The following POLL variants were observed in gnomAD, a reference collection of about 807,000 sequenced individuals.
POLL encodes DNA polymerase lambda, also known as DNA polymerase beta-2.
In POLL, 44 loss-of-function variants were observed where a neutral mutation model predicts 58.1. The ratio of observed to expected loss-of-function variants is 0.76; its 90% CI spans 0.60 to 0.97. POLL has a LOEUF of 0.97. POLL is among the 50% of genes least tolerant of loss of function. The pLI, the probability that POLL is intolerant of heterozygous loss-of-function variation, is 0.00. For missense variants in POLL, 632 were observed against 736.8 expected (o/e 0.86, Z 1.65); for synonymous variants, 290 against 283.2 (o/e 1.02, Z -0.24).
In POLL at chr10:101,579,082, T is replaced by A; in HGVS notation, c.*371A>T. 3.8e-6 allele frequency: 1 copy of A among 266,418 alleles called. No homozygotes were observed. The highest frequency in any genetic ancestry group is 7.2e-6 in the Non-Finnish European group (1 of 138,936). The allele number at this position is 266,418 out of a possible 1,614,324, so 16.5% of individuals were successfully genotyped here. On this transcript the variant is annotated 3_prime_UTR_variant, in exon 9 of 9. Transcript: ENST00000370162. This position sits in a 1 kb window ranked among gnomAD's most constrained non-coding sequence, Gnocchi z 4.4. ...GGCTGCTTCCCTCTCCCCTGCAGCT[T>A]CTGTCCCCACCCAGCAGCTTGGCCT...
At chr10:101,586,297 T>C in intron 2 of POLL, 141 bp from the exon 3 acceptor site, 1 of 754,098 alleles carries the variant, frequency 1.3e-6, no homozygotes, top group Non-Finnish European at 2.1e-6. Flanking sequence ...TTCCCTTCCA[T>C]CCAGACAGCT....
At chr10:101,584,069 G>T (rs1237092966) in intron 5 of POLL, among the ~76,000 whole-genome samples, 2 of 152,152 alleles carry the variant, frequency 1.3e-5, no homozygotes, top group Non-Finnish European at 2.9e-5. Flanking sequence ...TTACTAATGA[G>T]AAAACTGATG....
Position 101,580,121 on chromosome 10 carries a change from T to C in POLL, c.1363+127A>G. 1 of 863,698 alleles carries C rather than the reference T, an allele frequency of 1.2e-6. No individual in the cohort carries two copies. 53.5% of individuals were successfully genotyped at this position (863,698 alleles called of 1,614,324 possible). ...TTCCGGCCCCGATAGAGAGATGGGA[T>C]GCTGGCAAAGCACTGTTCCCCTGCT... is the stretch of plus-strand genomic sequence containing the variant. On this transcript the variant is annotated intron_variant, in intron 8 of 8. Transcript: ENST00000370162. The surrounding 1 kb of genome is among the most constrained non-coding windows in gnomAD (Gnocchi z 4.1).
chr10:101,580,481 A>C lies in POLL; in HGVS notation c.1195-65T>G. ...GGGAGCTCCTCTCCCACAGCAGTAC[A>C]AGGGCCTTCCCAGACTCGGGCCCAC... On this transcript the variant is annotated intron_variant, in intron 7 of 8. Coordinates refer to ENST00000370162, the MANE Select transcript of POLL (RefSeq NM_001174084.2). The surrounding 1 kb of genome is among the most constrained non-coding windows in gnomAD (Gnocchi z 4.1). The C allele has an allele frequency of 6.8e-7, 1 of 1,462,792 alleles. No individual in the cohort carries two copies. The highest frequency in any genetic ancestry group is 9.4e-7 in the Non-Finnish European group (1 of 1,058,932). The allele number at this position is 1,462,792 out of a possible 1,614,324, so 90.6% of individuals were successfully genotyped here.
chr10:101,587,400 A>T lies in POLL; in HGVS notation c.-40T>A. 1 of 1,594,060 alleles carries T rather than the reference A, an allele frequency of 6.3e-7. No homozygotes were observed. Among genetic ancestry groups the T allele is most frequent in the Non-Finnish European group, 8.6e-7 (1 of 1,167,260 alleles). On this transcript the variant is annotated 5_prime_UTR_variant, in exon 2 of 9. Coordinates refer to ENST00000370162, the MANE Select transcript of POLL (RefSeq NM_001174084.2). ...ATCCCGGCCTATTGGAGCGTTGGTCAGGGCTGCTGCACGTGGAAATCCAGA... is the reference window on the plus strand; with the variant it reads ...ATCCCGGCCTATTGGAGCGTTGGTCTGGGCTGCTGCACGTGGAAATCCAGA...
rs371228435 is a variant in POLL, at chr10:101,579,632, G to C, written c.1549C>G (p.Arg517Gly). ...ATGCCCTTGGTTTTGGCCAGGGCTC[G>C]CATGGAGCGGTTGAAGTGTGCAGAG... ...TGSAHFNRSM[R>G]ALAKTKGMSL... Residue 517 changes from arginine to glycine, a missense_variant, in exon 9 of 9, where the codon CGA becomes GGA. By Grantham distance (125) the Arg-to-Gly change is moderately radical. Transcript: ENST00000370162. This position sits in a 1 kb window ranked among gnomAD's most constrained non-coding sequence, Gnocchi z 4.4. The C allele has an allele frequency of 6.2e-7, 1 of 1,614,006 alleles. No individual in the cohort carries two copies. The highest frequency in any genetic ancestry group is 1.3e-5 in the African/African-American group (1 of 75,044).
chr10:101,586,298 CCAGA>C, intron 2 of POLL, 142 bp from the exon 3 acceptor site: 1 of 755,234 alleles, frequency 1.3e-6, no homozygotes, highest in Non-Finnish European at 2.1e-6. Context: ...TCCCTTCCAT[CCAGA>C]CAGCTTTCCT....
In POLL at chr10:101,587,302, G is replaced by A; in HGVS notation, c.59C>T (p.Ala20Val). The change falls in exon 2 of 9, where the codon GCA becomes GTA. Residue 20 changes from alanine (A) to valine (V), a missense_variant. Transcript: ENST00000370162. ...FPKRQKIHAD[A>V]SSKVLAKIPR... ...AATCTTTGCAAGTACTTTTGATGAT[G>A]CATCAGCATGAATTTTCTGCCGCTT... 5 of 1,614,162 alleles carry A rather than the reference G, an allele frequency of 3.1e-6. No individual in the cohort carries two copies. Among genetic ancestry groups the A allele is most frequent in the Non-Finnish European group, 4.2e-6 (5 of 1,180,012 alleles).
chr10:101,582,949 G>A (rs750687675), intron 6 of POLL, 58 bp from the exon 7 acceptor site: 2 of 1,606,886 alleles, frequency 1.2e-6, no homozygotes, highest in African/African-American at 2.7e-5. Flanking sequence ...GAAGAGGCAT[G>A]AGTGAGCACA....
rs552249639 is a variant in POLL, at chr10:101,579,148, A to C, written c.*305T>G. On this transcript the variant is annotated 3_prime_UTR_variant, in exon 9 of 9. Transcript: ENST00000370162. This position sits in a 1 kb window ranked among gnomAD's most constrained non-coding sequence, Gnocchi z 4.4. ...AGGGGGATACCTGGGGCTTCAAACC[A>C]GCCACCTGCTCCTGCTTAAAATGGG... 13 of 377,140 alleles carry C rather than the reference A, an allele frequency of 3.4e-5. No individual in the cohort carries two copies. In the East Asian group the frequency reaches 6.0e-4, roughly 18 times the overall value. The allele number at this position is 377,140 out of a possible 1,614,324, so 23.4% of individuals were successfully genotyped here. A position where few individuals can be genotyped will look rare whatever the true frequency, so the allele number is the denominator to read the frequency against.
At position 101,585,041 on chromosome 10, in the gene POLL, C is replaced by T. The variant is rs1234315428; in HGVS notation, c.574-122G>A. On this transcript the variant is annotated intron_variant, in intron 4 of 8. Transcript: ENST00000370162. Reference sequence around the variant, plus strand: ...CTTCTAGTCAGACCTAAGAATGAGGCGGGGCCTTCTGCATCAGACTTGGAT... The same window carrying T: ...CTTCTAGTCAGACCTAAGAATGAGGTGGGGCCTTCTGCATCAGACTTGGAT... 7 of 717,046 alleles carry T rather than the reference C, an allele frequency of 9.8e-6. No individual in the cohort carries two copies. In the South Asian group the frequency reaches 1.2e-4, roughly 12 times the overall value. The allele number at this position is 717,046 out of a possible 1,614,324, so 44.4% of individuals were successfully genotyped here. A position where few individuals can be genotyped will look rare whatever the true frequency, so the allele number is the denominator to read the frequency against.
chr10:101,579,936 A>G lies in POLL; in HGVS notation c.1364-119T>C, dbSNP rs2062889151. 25 of 1,108,130 alleles carry G rather than the reference A, an allele frequency of 2.3e-5. No homozygotes were observed. In the South Asian group the frequency reaches 4.0e-4, roughly 18 times the overall value. The allele number at this position is 1,108,130 out of a possible 1,614,324, so 68.6% of individuals were successfully genotyped here. ...GCCCAGGTATTAGCTGGGTGACACT[A>G]CCCTCTCTGGGCCCTTCTCCTTTTC... On this transcript the variant is annotated intron_variant, in intron 8 of 8. Coordinates refer to ENST00000370162, the MANE Select transcript of POLL (RefSeq NM_001174084.2). This position sits in a 1 kb window ranked among gnomAD's most constrained non-coding sequence, Gnocchi z 4.4.
At chr10:101,586,496 T>C (rs568658860) in intron 2 of POLL, among the ~76,000 whole-genome samples, 5 of 152,336 alleles carry the variant, frequency 3.3e-5, no homozygotes, top group African/African-American at 1.2e-4. Flanking sequence ...TTGTTTTCTT[T>C]TGTTTTGTTT....
At position 101,583,711 on chromosome 10, in the gene POLL, G is replaced by A. The variant is rs376211527; in HGVS notation, c.892-30C>T. 105 of 1,597,464 alleles carry A rather than the reference G, an allele frequency of 6.6e-5. 1 individual carries two copies. The African/African-American group carries it at 1.0e-3, about 16-fold the overall frequency. On this transcript the variant is annotated intron_variant, in intron 5 of 8. Transcript: ENST00000370162. ...AGGAGGAGGAGGCAGAGGCAAGAAAGAAGAGTGAGGAGATGGAAGAGGTAG... is the reference window on the plus strand; with the variant it reads ...AGGAGGAGGAGGCAGAGGCAAGAAAAAAGAGTGAGGAGATGGAAGAGGTAG...
At position 101,579,503 on chromosome 10, in the gene POLL, A is replaced by G. The variant is rs769482076; in HGVS notation, c.1678T>C (p.Phe560Leu). The change falls in exon 9 of 9, where the codon TTC (phenylalanine) becomes CTC (leucine). Residue 560 changes from phenylalanine (F) to leucine (L), a missense_variant. By Grantham distance (22) the Phe-to-Leu change is conservative (BLOSUM62 0). Transcript: ENST00000370162. This position sits in a 1 kb window ranked among gnomAD's most constrained non-coding sequence, Gnocchi z 4.4. ...VLPTPTEKDV[F>L]RLLGLPYREP... ...CGGTAGGGGAGGCCTAAGAGCCTGAAGACATCCTTCTCAGTGGGAGTGGGC... is the reference window on the plus strand; with the variant it reads ...CGGTAGGGGAGGCCTAAGAGCCTGAGGACATCCTTCTCAGTGGGAGTGGGC... 6.2e-7 allele frequency: 1 copy of G among 1,613,488 alleles called. No individual in the cohort carries two copies. The highest frequency in any genetic ancestry group is 8.5e-7 in the Non-Finnish European group (1 of 1,179,928).
In POLL at chr10:101,587,847, G is replaced by A; in HGVS notation, c.-72C>T. ...CTCCAACACAGACTCGCAGAGGAAG[G>A]AGGAGGACTTTCGGGGGTGAGTGGG... On this transcript the variant is annotated 5_prime_UTR_variant, in exon 1 of 9. Coordinates refer to ENST00000370162, the MANE Select transcript of POLL (RefSeq NM_001174084.2). The A allele has an allele frequency of 8.4e-7, 1 of 1,190,652 alleles. No homozygotes were observed. The highest frequency in any genetic ancestry group is 1.1e-6 in the Non-Finnish European group (1 of 942,432). The allele number at this position is 1,190,652 out of a possible 1,614,324, so 73.8% of individuals were successfully genotyped here. A position where few individuals can be genotyped will look rare whatever the true frequency, so the allele number is the denominator to read the frequency against.
intron 2 of POLL, 120 bp downstream of exon 2, chr10:101,587,126 A>T (rs2063408966): frequency 1.2e-6 from 2 of 1,605,220 alleles, no homozygotes; most frequent in Non-Finnish European, 1.7e-6. Context: ...ACAGACCTGC[A>T]GGCCCTGGAC....
rs1265310520 is a variant in POLL, at chr10:101,588,236, A to G, written c.-461T>C. The stretch of plus-strand genomic sequence containing the variant: ...GCCAATGAGAGCGGACGAAGGGGGG[A>G]AGGAGGGCAAATGGCCAGAATAGCT... On this transcript the variant is annotated 5_prime_UTR_variant, in exon 1 of 9. Coordinates refer to ENST00000370162, the MANE Select transcript of POLL (RefSeq NM_001174084.2). 3.2e-6 allele frequency: 5 copies of G among 1,550,092 alleles called. No individual in the cohort carries two copies. Among genetic ancestry groups the G allele is most frequent in the African/African-American group, 1.4e-5 (1 of 73,276 alleles).
In POLL at chr10:101,579,824, C is replaced by A; in HGVS notation, c.1364-7G>T. ...AAGTCATCTGTGAGGAACCCTGGCC[C>A]AACAGAGGGGACTGCTGGGAGGGCA... is the stretch of plus-strand genomic sequence containing the variant. On this transcript the variant is annotated splice_region_variant and splice_polypyrimidine_tract_variant and intron_variant, in intron 8 of 8. Transcript: ENST00000370162. The surrounding 1 kb of genome is among the most constrained non-coding windows in gnomAD (Gnocchi z 4.4). The A allele has an allele frequency of 6.2e-7, 1 of 1,608,818 alleles. No individual in the cohort carries two copies. The highest frequency in any genetic ancestry group is 8.5e-7 in the Non-Finnish European group (1 of 1,177,214).
Sources: allele counts gnomAD v4.1 joint callset (sites outside exome capture counted in the v4.1 genomes callset), GRCh38; gene constraint gnomAD v4.1.1; non-coding constraint Gnocchi (gnomAD v3.1); transcripts MANE v1.5; gene names NCBI Gene and HGNC (gene_info 2026-07-23, HGNC 2026-07-21).